Variants in REDIC1 observed in about 807,000 individuals in gnomAD.
REDIC1 encodes the protein HEI10 Interacting Protein 1.
At chr12:39,724,532 C>T in the REDIC1 span, among the ~76,000 whole-genome samples, 1 of 152,234 alleles carries the variant, frequency 6.6e-6, no homozygotes, top group Non-Finnish European at 1.5e-5. Flanking sequence ...AAATCATACC[C>T]CAAACAAACT....
the REDIC1 span, among the ~76,000 whole-genome samples, chr12:39,659,963 G>T: frequency 2.0e-5 from 3 of 152,062 alleles, no homozygotes; most frequent in African/African-American, 7.2e-5. Context: ...TGTCAAGCAG[G>T]ACCAATAAGC....
the REDIC1 span, among the ~76,000 whole-genome samples, chr12:39,736,251 G>A: frequency 6.6e-6 from 1 of 152,120 alleles, no homozygotes; most frequent in African/African-American, 2.4e-5. Flanking sequence ...TCTTTCTTTT[G>A]CCTTTATGGA....
At chr12:39,715,588 T>TA in the REDIC1 span, among the ~76,000 whole-genome samples, 1 of 151,884 alleles carries the variant, frequency 6.6e-6, no homozygotes, top group Non-Finnish European at 1.5e-5. Context: ...CTAAAATCTG[T>TA]ATGGAACCGA....
At chr12:39,744,317 AT>A in the REDIC1 span, among the ~76,000 whole-genome samples, 7 of 152,262 alleles carry the variant, frequency 4.6e-5, no homozygotes, top group Non-Finnish European at 8.8e-5. Flanking sequence ...ACTTGCAAAA[AT>A]TGTTAAGTTC....
chr12:39,738,936 C>A, the REDIC1 span, among the ~76,000 whole-genome samples: 1 of 152,020 alleles, frequency 6.6e-6, no homozygotes, highest in African/African-American at 2.4e-5. Flanking sequence ...TTTCAAATGT[C>A]ATTGCCATAT....
the REDIC1 span, among the ~76,000 whole-genome samples, chr12:39,703,695 G>A: frequency 1.3e-5 from 2 of 152,174 alleles, no homozygotes; most frequent in African/African-American, 4.8e-5. Flanking sequence ...CAAGGCTACA[G>A]TCACCAAGAC....
At chr12:39,905,090 C>T in the REDIC1 span, among the ~76,000 whole-genome samples, 1 of 152,118 alleles carries the variant, frequency 6.6e-6, no homozygotes, top group Non-Finnish European at 1.5e-5. Context: ...CAGAATGAGA[C>T]TTCTGTTCAT....
At chr12:39,705,900 C>T in the REDIC1 span, among the ~76,000 whole-genome samples, 1 of 152,048 alleles carries the variant, frequency 6.6e-6, no homozygotes, top group Non-Finnish European at 1.5e-5. Flanking sequence ...AGATATAGAA[C>T]ATGACAAGTA....
the REDIC1 span, chr12:39,829,389 A>ATTTTTTTT: frequency 1.2e-4 from 8 of 65,776 alleles, no homozygotes; most frequent in East Asian, 5.3e-4. Context: ...TGTGATAGTA[A>ATTTTTTTT]TTCTTTTTTT....
At chr12:39,781,618 C>G in the REDIC1 span, among the ~76,000 whole-genome samples, 1 of 152,194 alleles carries the variant, frequency 6.6e-6, no homozygotes, top group Non-Finnish European at 1.5e-5. Context: ...ATAAGTCATT[C>G]AATTTATCCC....
chr12:39,667,747 C>T, the REDIC1 span, among the ~76,000 whole-genome samples: 2 of 152,168 alleles, frequency 1.3e-5, no homozygotes, highest in Non-Finnish European at 2.9e-5. Context: ...AATCTGGGCG[C>T]TCCTGTATTG....
the REDIC1 span, among the ~76,000 whole-genome samples, chr12:39,789,036 G>T: frequency 6.6e-6 from 1 of 152,056 alleles, no homozygotes. Flanking sequence ...TACATACAAA[G>T]AAGTTATCTA....
At chr12:39,842,012 G>A in the REDIC1 span, among the ~76,000 whole-genome samples, 1 of 152,038 alleles carries the variant, frequency 6.6e-6, no homozygotes, top group African/African-American at 2.4e-5. Flanking sequence ...GGCATCATGA[G>A]GGAGGCTTTT....
the REDIC1 span, chr12:39,764,629 T>G: frequency 1.9e-6 from 3 of 1,580,744 alleles, no homozygotes; most frequent in Non-Finnish European, 1.7e-6. Context: ...AATAAAACAT[T>G]AAAAACTTTA....
the REDIC1 span, among the ~76,000 whole-genome samples, chr12:39,664,190 A>G: frequency 2.0e-5 from 3 of 151,514 alleles, no homozygotes; most frequent in Non-Finnish European, 4.4e-5. Context: ...TCGTCATTTA[A>G]CATTAGGTAT....
the REDIC1 span, among the ~76,000 whole-genome samples, chr12:39,627,362 A>G: frequency 3.3e-5 from 5 of 152,368 alleles, no homozygotes; most frequent in South Asian, 2.1e-4. Flanking sequence ...TTTAGTTGAT[A>G]CATGCTTATA....
At chr12:39,821,867 C>T in the REDIC1 span, among the ~76,000 whole-genome samples, 3 of 151,874 alleles carry the variant, frequency 2.0e-5, no homozygotes. Context: ...ATCGATCACA[C>T]GTGCCAAGAA....
At chr12:39,869,291 G>T in the REDIC1 span, among the ~76,000 whole-genome samples, 90 of 152,230 alleles carry the variant, frequency 5.9e-4, no homozygotes, top group South Asian at 6.2e-4. Flanking sequence ...AGGTGTAAAG[G>T]TCCATTGGTC....
At chr12:39,764,442 GA>G in the REDIC1 span, 1 of 1,537,058 alleles carries the variant, frequency 6.5e-7, no homozygotes, top group South Asian at 1.3e-5. Flanking sequence ...AACTATGTTA[GA>G]AAAAATATTA....
Sources: allele counts gnomAD v4.1 joint callset (sites outside exome capture counted in the v4.1 genomes callset), GRCh38; gene constraint gnomAD v4.1.1; transcripts MANE v1.5; gene names NCBI Gene and HGNC (gene_info 2026-07-23, HGNC 2026-07-21).